Variants in TRIM64C observed in about 807,000 individuals in gnomAD.
TRIM64C encodes tripartite motif-containing protein 64C.
In TRIM64C, 25 loss-of-function variants were observed where a neutral mutation model predicts 36.1. The observed-to-expected ratio is 0.69, with a 90% confidence interval of 0.51 to 0.97. TRIM64C has a LOEUF of 0.97. Among genes scored for constraint, TRIM64C ranks in the 50% least tolerant of loss-of-function variants. The probability of loss-of-function intolerance (pLI) is 0.00; values close to 1 mark genes in which losing one functional copy is unlikely to be tolerated. For synonymous variants in TRIM64C, 212 were observed against 185.7 expected (o/e 1.14, Z -1.15); for missense variants, 489 against 536.8 (o/e 0.91, Z 0.88).
Position 49,057,388 on chromosome 11 carries a change from C to T in TRIM64C, c.508-10G>A, listed in dbSNP as rs866755585. 24 of 1,549,022 alleles carry T rather than the reference C, an allele frequency of 1.5e-5. No homozygotes were observed. Among genetic ancestry groups the T allele is most frequent in the Admixed American group, 5.9e-5 (3 of 50,954 alleles). ...TTAATGACACATAGTCCTGCAGAGA[C>T]GTTTGGTTAAAAGGATTACATGTTC... On this transcript the variant is annotated splice_polypyrimidine_tract_variant and intron_variant, in intron 2 of 5. Transcript: ENST00000617704.
chr11:49,055,226 T>C, intron 5 of TRIM64C, 84 bp downstream of exon 5: 1 of 1,510,342 alleles, frequency 6.6e-7, no homozygotes, highest in Non-Finnish European at 8.9e-7. Context: ...TCAAAACTAA[T>C]AAAACGTAAA....
rs563700583 is a variant in TRIM64C, at chr11:49,054,012, T to A, written c.1055A>T (p.Asn352Ile). Residue 352 changes from asparagine (N) to isoleucine (I), a missense_variant, in exon 6 of 6, where the codon AAC becomes ATC. Coordinates refer to ENST00000617704, the MANE Select transcript of TRIM64C (RefSeq NM_001206631.1). ...YWEVDVTHSS[N>I]WILGVCRDSR... ...ATCTCGACAGACTCCCAGAATCCAGTTGGAGGAGTGGGTCACATCCACTTC... is the reference window on the plus strand; with the variant it reads ...ATCTCGACAGACTCCCAGAATCCAGATGGAGGAGTGGGTCACATCCACTTC... 1.3e-6 allele frequency: 2 copies of A among 1,551,568 alleles called. No individual in the cohort carries two copies. Among genetic ancestry groups the A allele is most frequent in the Non-Finnish European group, 8.7e-7 (1 of 1,146,844 alleles).
intron 4 of TRIM64C, among the ~76,000 whole-genome samples, chr11:49,056,019 C>CT (rs76420814): frequency 0.19 from 26,697 of 144,072 alleles, 2,691 homozygotes; most frequent in African/African-American, 0.28. Context: ...CTCGATCTGT[C>CT]TTTTTTTTTT....
At chr11:49,056,290 G>A in intron 4 of TRIM64C, 69 bp downstream of exon 4, 1 of 1,230,542 alleles carries the variant, frequency 8.1e-7, no homozygotes, top group Non-Finnish European at 1.2e-6. Flanking sequence ...TACTCAAAAT[G>A]TATACATCCC....
In TRIM64C at chr11:49,057,275, T is replaced by C. The variant is rs1483599282; in HGVS notation, c.611A>G (p.Glu204Gly). Residue 204 changes from glutamate (E) to glycine (G), a missense_variant, in exon 3 of 6, where the codon GAA becomes GGA. Glu to Gly is a moderately conservative substitution (Grantham distance 98, BLOSUM62 -2). Transcript: ENST00000617704. ...TAGTTGTTGGAAAAGCTCTTTTGCT[T>C]CTCTTTCCAGTGCCTGCAGATGCCG... The part of the protein sequence containing the change: ...EQRHLQALER[E>G]AKELFQQLQD... 2 of 1,549,624 alleles carry C rather than the reference T, an allele frequency of 1.3e-6. No individual in the cohort carries two copies. The highest frequency in any genetic ancestry group is 2.0e-5 in the Admixed American group (1 of 50,958).
At chr11:49,055,241 A>C (rs1469301549) in intron 5 of TRIM64C, 69 bp downstream of exon 5, 1 of 1,525,550 alleles carries the variant, frequency 6.6e-7, no homozygotes, top group African/African-American at 1.4e-5. Flanking sequence ...CGTAAATGGG[A>C]GAAGCCTCAA....
chr11:49,058,886 A>G lies in TRIM64C; in HGVS notation c.227T>C (p.Leu76Pro). 6.5e-7 allele frequency: 1 copy of G among 1,550,354 alleles called. No individual in the cohort carries two copies. The highest frequency in any genetic ancestry group is 8.7e-7 in the Non-Finnish European group (1 of 1,146,944). The change falls in exon 1 of 6, where the codon CTA becomes CCA. Residue 76 changes from leucine (L) to proline (P), a missense_variant. Leu to Pro is a moderately conservative substitution (Grantham distance 98). Transcript: ENST00000617704. ...TNVALKKLAS[L>P]ARQTRPQNIN... ...GTTCTGAGGTCTGGTCTGTCTGGCT[A>G]GGGAAGCCAGCTTTTTGAGTGCCAC... is the stretch of plus-strand genomic sequence containing the variant.
chr11:49,054,175 A>C lies in TRIM64C; in HGVS notation c.892T>G (p.Cys298Gly). The C allele has an allele frequency of 6.4e-7, 1 of 1,551,582 alleles. No individual in the cohort carries two copies. Among genetic ancestry groups the C allele is most frequent in the Non-Finnish European group, 8.7e-7 (1 of 1,146,844 alleles). ...ACATCCTCAGAAAGGCTTATATAGCAAGGAGTCATTTCTGTACTCAGAGCA... is the reference window on the plus strand; with the variant it reads ...ACATCCTCAGAAAGGCTTATATAGCCAGGAGTCATTTCTGTACTCAGAGCA... ...DNALSTEMTP[C>G]YISLSEDVRR... Residue 298 changes from cysteine (C) to glycine (G), a missense_variant, in exon 6 of 6, where the codon TGC becomes GGC. Coordinates refer to ENST00000617704, the MANE Select transcript of TRIM64C (RefSeq NM_001206631.1).
rs1854842071 is a variant in TRIM64C, at chr11:49,058,588, A to T, written c.412+113T>A. ...AGGACACATTTATGTGTTATGATTGACATGGAATAATCGCCACCTCCACTA... is the reference window on the plus strand; with the variant it reads ...AGGACACATTTATGTGTTATGATTGTCATGGAATAATCGCCACCTCCACTA... On this transcript the variant is annotated intron_variant, in intron 1 of 5. Transcript: ENST00000617704. 3 of 1,496,156 alleles carry T rather than the reference A, an allele frequency of 2.0e-6. No individual in the cohort carries two copies. In the African/African-American group the frequency reaches 4.2e-5, roughly 21 times the overall value. 92.7% of individuals were successfully genotyped at this position (1,496,156 alleles called of 1,614,324 possible).
intron 5 of TRIM64C, 21 bp from the exon 6 acceptor site, chr11:49,054,228 T>C (rs1278745327): frequency 2.6e-6 from 4 of 1,547,416 alleles, no homozygotes; most frequent in Non-Finnish European, 2.6e-6. Flanking sequence ...AAAAATATTA[T>C]ATTAGTGAGT....
intron 5 of TRIM64C, 134 bp from the exon 6 acceptor site, chr11:49,054,341 TC>T: frequency 1.0e-6 from 1 of 954,006 alleles, no homozygotes; most frequent in Non-Finnish European, 1.5e-6. Context: ...GCCCCATGCA[TC>T]CATGAAGATG....
At chr11:49,054,479 A>T (rs528154276) in intron 5 of TRIM64C, among the ~76,000 whole-genome samples, 3 of 152,348 alleles carry the variant, frequency 2.0e-5, no homozygotes, top group Admixed American at 2.0e-4. Context: ...TTGTTTCAGA[A>T]CATATCTAAA....
chr11:49,055,883 C>A (rs1854806793), intron 4 of TRIM64C, among the ~76,000 whole-genome samples: 1 of 152,116 alleles, frequency 6.6e-6, no homozygotes, highest in Non-Finnish European at 1.5e-5. Context: ...TGCTGAGGGT[C>A]CCGAGGCAAC....
Position 49,055,353 on chromosome 11 carries a change from T to A in TRIM64C, c.816A>T (p.Ser272=). 2.0e-6 allele frequency: 3 copies of A among 1,535,514 alleles called. No individual in the cohort carries two copies. Among genetic ancestry groups the A allele is most frequent in the Admixed American group, 2.0e-5 (1 of 50,940 alleles). Residue 272 remains serine, a synonymous_variant, in exon 5 of 6, where the codon TCA becomes TCT. Coordinates refer to ENST00000617704, the MANE Select transcript of TRIM64C (RefSeq NM_001206631.1). Reference sequence around the variant, plus strand: ...TGTCTAGGACTCCAGTTATGCACCATGAAGTGAGCTCTGGGTTCACTGGCT... The same window carrying A: ...TGTCTAGGACTCCAGTTATGCACCAAGAAGTGAGCTCTGGGTTCACTGGCT... ...KPQPVNPELT[S]WCITGVLDML...
Position 49,056,441 on chromosome 11 carries a change from T to G in TRIM64C, c.739-60A>C, listed in dbSNP as rs143001046. The stretch of plus-strand genomic sequence containing the variant: ...GAGATTTTTCCTTCTGCATCTTTTC[T>G]CATACTCTTGTTTCTTTCTGTTTTA... On this transcript the variant is annotated intron_variant, in intron 3 of 5. Transcript: ENST00000617704. 3,643 of 1,332,144 alleles carry G rather than the reference T, an allele frequency of 2.7e-3. 183 individuals are homozygous for G. The African/African-American group carries it at 0.048, about 18-fold the overall frequency. 82.5% of individuals were successfully genotyped at this position (1,332,144 alleles called of 1,614,324 possible).
chr11:49,053,765 A>G lies in TRIM64C; in HGVS notation c.1302T>C (p.Pro434=). ...SKGSLIYGFP[P]SSFSSPLRPF... ...GCCTCAGAGGGGAAGAGAAGGAGGA[A>G]GGAGGAAAACCATAGATAAGAGAAC... Residue 434 remains proline (P), a synonymous_variant, in exon 6 of 6, where the codon CCT becomes CCC. Transcript: ENST00000617704. 1 of 1,551,358 alleles carries G rather than the reference A, an allele frequency of 6.4e-7. No individual in the cohort carries two copies. The highest frequency in any genetic ancestry group is 1.2e-5 in the South Asian group (1 of 84,038).
chr11:49,058,232 A>C (rs182228696), intron 1 of TRIM64C, 60 bp from the exon 2 acceptor site: 65 of 1,185,824 alleles, frequency 5.5e-5, no homozygotes, highest in Non-Finnish European at 7.0e-5. Context: ...TCCCTTTATC[A>C]ATAAAAAAAA....
At position 49,055,314 on chromosome 11, in the gene TRIM64C, G is replaced by A; in HGVS notation, c.855C>T (p.Phe285=). The A allele has an allele frequency of 6.5e-7, 1 of 1,535,836 alleles. No individual in the cohort carries two copies. The highest frequency in any genetic ancestry group is 8.7e-7 in the Non-Finnish European group (1 of 1,146,824). The change falls in exon 5 of 6, where the codon TTC becomes TTT. Residue 285 remains phenylalanine (F), a synonymous_variant. Coordinates refer to ENST00000617704, the MANE Select transcript of TRIM64C (RefSeq NM_001206631.1). ...TGCCAAGCAGCTGGCTCTTGCCTCT[G>A]AAGTTGTTGAGCATGTCTAGGACTC... ...ITGVLDMLNN[F]RVDNALSTEM... is the part of the protein sequence containing the mutation.
intron 4 of TRIM64C, among the ~76,000 whole-genome samples, chr11:49,056,146 C>T (rs1224843030): frequency 1.3e-5 from 2 of 150,626 alleles, no homozygotes; most frequent in African/African-American, 2.5e-5. Context: ...AACAAACTTC[C>T]GAATGGCAAA....
Sources: allele counts gnomAD v4.1 joint callset (sites outside exome capture counted in the v4.1 genomes callset), GRCh38; gene constraint gnomAD v4.1.1; transcripts MANE v1.5; gene names NCBI Gene and HGNC (gene_info 2026-07-23, HGNC 2026-07-21).